ALKBH3: variants seen among roughly 807,000 people sequenced by gnomAD.
The protein encoded by ALKBH3 is alkB homolog 3, alpha-ketoglutarate dependent dioxygenase.
ALKBH3 carries 51 observed loss-of-function variants against 43.9 expected under a neutral mutation model. That is an observed-to-expected ratio of 1.16 (90% CI 0.93 to 1.47). ALKBH3 has a LOEUF of 1.47. Ranked by LOEUF, ALKBH3 falls within the 40% of genes most tolerant of loss-of-function variation. The pLI is 0.00. For synonymous variants in ALKBH3, 102 were observed against 115.2 expected (o/e 0.89, Z 0.73); for missense variants, 361 against 351.9 (o/e 1.03, Z -0.21).
chr11:43,894,902 A>G (rs889524958), intron 7 of ALKBH3, among the ~76,000 whole-genome samples: 5 of 152,202 alleles, frequency 3.3e-5, no homozygotes, highest in Admixed American at 6.5e-5. Flanking sequence ...AAAAAGGAGA[A>G]CAAGAGATAA....
intron 5 of ALKBH3, among the ~76,000 whole-genome samples, chr11:43,887,162 G>A (rs774247453): frequency 6.6e-6 from 1 of 151,966 alleles, no homozygotes; most frequent in Admixed American, 6.5e-5. Context: ...TAAATTCTTG[G>A]GGAGCAAAAA....
chr11:43,900,090 A>G (rs1951851105), intron 7 of ALKBH3, among the ~76,000 whole-genome samples: 1 of 151,680 alleles, frequency 6.6e-6, no homozygotes. Flanking sequence ...AAAAATTTGC[A>G]AAACAGTGTC....
chr11:43,881,930 A>G (rs1397682963), intron 1 of ALKBH3, among the ~76,000 whole-genome samples: 1 of 152,208 alleles, frequency 6.6e-6, no homozygotes, highest in Non-Finnish European at 1.5e-5. Context: ...AATTAGTATT[A>G]TTAGCCATTA....
At chr11:43,881,661 A>G (rs998452128) in intron 1 of ALKBH3, among the ~76,000 whole-genome samples, 5 of 152,204 alleles carry the variant, frequency 3.3e-5, no homozygotes, top group African/African-American at 1.2e-4. Context: ...TGTTAAACAC[A>G]CAGATTCCTG....
At chr11:43,911,534 T>C (rs191736462) in intron 8 of ALKBH3, among the ~76,000 whole-genome samples, 2 of 152,320 alleles carry the variant, frequency 1.3e-5, no homozygotes, top group East Asian at 3.9e-4. Flanking sequence ...GGAGATGTCA[T>C]TTGGGAATTT....
intron 5 of ALKBH3, 34 bp from the exon 6 acceptor site, chr11:43,889,691 G>C (rs759963526): frequency 6.4e-7 from 1 of 1,574,478 alleles, no homozygotes; most frequent in South Asian, 1.1e-5. Flanking sequence ...TCTTTTCCAT[G>C]TTTTTTGGTT....
chr11:43,903,224 A>G (rs1951874838), intron 8 of ALKBH3, among the ~76,000 whole-genome samples: 1 of 152,226 alleles, frequency 6.6e-6, no homozygotes, highest in Non-Finnish European at 1.5e-5. Context: ...ATTGGCAAGC[A>G]GCCTTCTCAT....
At chr11:43,897,762 T>G in intron 7 of ALKBH3, 1 of 802,508 alleles carries the variant, frequency 1.2e-6, no homozygotes. Context: ...TGAAACATTT[T>G]CCAATTGCTA....
chr11:43,913,720 A>G (rs1029462905), intron 8 of ALKBH3, among the ~76,000 whole-genome samples: 2 of 152,250 alleles, frequency 1.3e-5, no homozygotes, highest in Non-Finnish European at 2.9e-5. Context: ...CAACGGTCTT[A>G]GACGCTTACA....
chr11:43,888,871 T>C (rs781444638), intron 5 of ALKBH3, among the ~76,000 whole-genome samples: 1 of 152,254 alleles, frequency 6.6e-6, no homozygotes, highest in Non-Finnish European at 1.5e-5. Flanking sequence ...TTGGCATTGT[T>C]GAAATAAACA....
intron 7 of ALKBH3, chr11:43,898,178 AT>A: frequency 8.2e-7 from 1 of 1,224,758 alleles, no homozygotes; most frequent in Non-Finnish European, 1.2e-6. Context: ...TACCTGGGCG[AT>A]TTGACTCCGC....
rs1951840100 is a variant in ALKBH3 at position 43,898,863 on chromosome 11, TGATA to T, written c.460-2649_460-2646del. ...GTCCTGGAGGCCTGCTGGATTACAT[TGATA>T]GATTATTTCAGATTTCCTGAGTGGA... On this transcript the variant is annotated intron_variant, in intron 7 of 9. Transcript: ENST00000302708. 2.2e-5 allele frequency: 17 copies of T among 761,946 alleles called. No individual in the cohort carries two copies. In the East Asian group the frequency reaches 4.2e-4, roughly 19 times the overall value. The allele number at this position is 761,946 out of a possible 1,614,324, so 47.2% of individuals were successfully genotyped here.
chr11:43,883,250 C>T (rs762935677), intron 3 of ALKBH3, 62 bp downstream of exon 3: 186 of 1,153,512 alleles, frequency 1.6e-4, no homozygotes, highest in Non-Finnish European at 2.2e-4. Flanking sequence ...GATATTCACA[C>T]AGTAGACACT....
rs187951039 is a variant in ALKBH3 at position 43,901,768 on chromosome 11, G to A, written c.669+43G>A. 319 of 1,600,668 alleles carry A rather than the reference G, an allele frequency of 2.0e-4. 3 individuals are homozygous for A. Among genetic ancestry groups the A allele is most frequent in the Non-Finnish European group, 2.1e-4 (243 of 1,169,968 alleles). On this transcript the variant is annotated intron_variant, in intron 8 of 9. Coordinates refer to ENST00000302708, the MANE Select transcript of ALKBH3 (RefSeq NM_139178.4). ...CTTATGCTCTTCCTGCCTCTTATTA[G>A]TCTGTGGAAAAAGTAGAACTCCTAA...
intron 4 of ALKBH3, among the ~76,000 whole-genome samples, chr11:43,885,192 A>C (rs1246797629): frequency 6.6e-6 from 1 of 152,216 alleles, no homozygotes; most frequent in East Asian, 1.9e-4. Context: ...GAAAAATGAC[A>C]GAACTCATTC....
At chr11:43,883,212 A>G (rs1384059011) in intron 3 of ALKBH3, 24 bp downstream of exon 3, 1 of 1,575,042 alleles carries the variant, frequency 6.3e-7, no homozygotes, top group Non-Finnish European at 8.7e-7. Flanking sequence ...TTTTTCTTCA[A>G]TAGTGATAAA....
At chr11:43,913,106 T>TAA (rs1157441702) in intron 8 of ALKBH3, among the ~76,000 whole-genome samples, 18 of 133,930 alleles carry the variant, frequency 1.3e-4, no homozygotes, top group East Asian at 4.2e-4. Context: ...TTCCAGTTGT[T>TAA]AAAAAAAAAA....
intron 2 of ALKBH3, 117 bp downstream of exon 2, chr11:43,882,848 T>A: frequency 3.3e-6 from 4 of 1,199,368 alleles, no homozygotes; most frequent in Non-Finnish European, 4.6e-6. Context: ...AGGAATTGTT[T>A]AAAATGTGGC....
In ALKBH3 at chr11:43,885,637, C is replaced by G. The variant is rs531452549; in HGVS notation, c.219-969C>G. On this transcript the variant is annotated intron_variant, in intron 4 of 9. Coordinates refer to ENST00000302708, the MANE Select transcript of ALKBH3 (RefSeq NM_139178.4). ...TTATGGGCCTCACCACCTGGCAGTT[C>G]TGCAACAGCTTTATACATTTCCACA... Among the ~76,000 whole-genome samples the G allele has an allele frequency of 2.5e-4, 38 of 152,334 alleles. No homozygotes were observed. In the Middle Eastern group the frequency reaches 0.017, roughly 68 times the overall value.
Sources: allele counts gnomAD v4.1 joint callset (sites outside exome capture counted in the v4.1 genomes callset), GRCh38; gene constraint gnomAD v4.1.1; transcripts MANE v1.5; gene names NCBI Gene and HGNC (gene_info 2026-07-23, HGNC 2026-07-21).